RABGAP1: variants seen among roughly 807,000 people sequenced by gnomAD.
RABGAP1 encodes RAB GTPase activating protein 1.
Under a neutral mutation model 137.6 loss-of-function variants are expected in RABGAP1, and 23 were observed. The observed-to-expected ratio is 0.17, with a 90% CI of 0.12 to 0.24. RABGAP1 has a LOEUF of 0.24. Among genes scored for constraint, RABGAP1 ranks in the 10% least tolerant of loss-of-function variants. RABGAP1 has a pLI of 1.00. For synonymous variants in RABGAP1, 451 were observed against 450.7 expected, an observed-to-expected ratio of 1.00 and a Z score of -0.01; for missense variants, 906 against 1,275.8, an observed-to-expected ratio of 0.71 and a Z score of 4.42.
intron 13 of RABGAP1, among the ~76,000 whole-genome samples, chr9:123,030,766 G>T (rs1338002302): frequency 6.6e-6 from 1 of 152,094 alleles, no homozygotes; most frequent in East Asian, 1.9e-4. Flanking sequence ...GAGTGGTATG[G>T]AACACTAGAA....
At position 122,986,333 on chromosome 9, in the gene RABGAP1, A is replaced by G. The variant is rs1473205937; in HGVS notation, c.504A>G (p.Leu168=). 6.2e-7 allele frequency: 1 copy of G among 1,614,124 alleles called. No homozygotes were observed. Among genetic ancestry groups the G allele is most frequent in the South Asian group, 1.1e-5 (1 of 91,084 alleles). The change falls in exon 4 of 26, where the codon TTA becomes TTG. Residue 168 remains leucine, a synonymous_variant. Coordinates refer to ENST00000373647, the MANE Select transcript of RABGAP1 (RefSeq NM_012197.4). ...VNAPRSEVEA[L]RMMSILRSQC... ...CTCCCAGGAGTGAAGTGGAAGCCTTAAGGATGATGTCCATCTTAAGAAGCC... is the reference window on the plus strand; with the variant it reads ...CTCCCAGGAGTGAAGTGGAAGCCTTGAGGATGATGTCCATCTTAAGAAGCC...
chr9:122,963,931 A>G (rs564972988), intron 2 of RABGAP1, among the ~76,000 whole-genome samples: 1 of 152,348 alleles, frequency 6.6e-6, no homozygotes, highest in South Asian at 2.1e-4. Context: ...TACTGCTGAT[A>G]ATACGTAGAA....
intron 13 of RABGAP1, among the ~76,000 whole-genome samples, chr9:123,050,246 A>G (rs2033395675): frequency 6.6e-6 from 1 of 152,226 alleles, no homozygotes; most frequent in Non-Finnish European, 1.5e-5. Context: ...TACCTAAACA[A>G]TATGTCATGT....
intron 19 of RABGAP1, among the ~76,000 whole-genome samples, chr9:123,082,301 C>T (rs184952172): frequency 1.3e-5 from 2 of 152,170 alleles, no homozygotes; most frequent in African/African-American, 4.8e-5. Flanking sequence ...TGAACTTCTC[C>T]CGCTTTATGG....
chr9:123,010,455 T>G lies in RABGAP1; in HGVS notation c.1476T>G (p.Pro492=), dbSNP rs201077208. 1.1e-5 allele frequency: 17 copies of G among 1,613,944 alleles called. No individual in the cohort carries two copies. The Admixed American group carries it at 2.3e-4, about 22-fold the overall frequency. ...ERERRKTTAS[P]SVRLPQSGSQ... is the part of the protein sequence containing the mutation. ...AGAGGAGGAAAACTACAGCCAGTCCTTCAGTTCGCCTGCCACAGTCTGGAT... is the reference window on the plus strand; with the variant it reads ...AGAGGAGGAAAACTACAGCCAGTCCGTCAGTTCGCCTGCCACAGTCTGGAT... The change falls in exon 11 of 26, where the codon CCT becomes CCG. Residue 492 remains proline, a synonymous_variant. Coordinates refer to ENST00000373647, the MANE Select transcript of RABGAP1 (RefSeq NM_012197.4).
At chr9:123,002,760 A>AT (rs537874246) in intron 10 of RABGAP1, among the ~76,000 whole-genome samples, 3 of 151,556 alleles carry the variant, frequency 2.0e-5, no homozygotes, top group Non-Finnish European at 2.9e-5. Context: ...TAATAACTTA[A>AT]TTTTTTTTTA....
chr9:122,935,650 AT>A, the RABGAP1 span, among the ~76,000 whole-genome samples: 1 of 152,128 alleles, frequency 6.6e-6, no homozygotes, highest in Non-Finnish European at 1.5e-5. Flanking sequence ...CAACATAAAT[AT>A]TTTTTATGCA....
rs1318472782 is a variant in RABGAP1, at chr9:122,989,408, T to A, written c.702T>A (p.Thr234=). 1 of 1,614,098 alleles carries A rather than the reference T, an allele frequency of 6.2e-7. No homozygotes were observed. ...CTGAGAGTGACTGTTTTGCTTTCAC[T>A]GAAAGTCATTACAATGCAGAGCTCT... ...GTPESDCFAF[T]ESHYNAELFR... is the part of the protein sequence containing the mutation. Residue 234 remains threonine (T), a synonymous_variant, in exon 5 of 26, where the codon ACT becomes ACA. Coordinates refer to ENST00000373647, the MANE Select transcript of RABGAP1 (RefSeq NM_012197.4).
intron 4 of RABGAP1, among the ~76,000 whole-genome samples, chr9:122,989,079 C>T (rs534222622): frequency 2.8e-4 from 42 of 148,646 alleles, no homozygotes; most frequent in Middle Eastern, 3.4e-3. Flanking sequence ...GTTTGCCTCC[C>T]TAAAACATGA....
chr9:122,957,367 G>A (rs1049120289), intron 2 of RABGAP1, among the ~76,000 whole-genome samples, 158 bp downstream of exon 2: 17 of 152,136 alleles, frequency 1.1e-4, no homozygotes, highest in Non-Finnish European at 2.5e-4. Context: ...TGAGAAGTTT[G>A]TATTTGATTA....
chr9:122,991,688 A>T (rs1836731925), intron 6 of RABGAP1, among the ~76,000 whole-genome samples: 1 of 149,800 alleles, frequency 6.7e-6, no homozygotes, highest in South Asian at 2.1e-4. Context: ...CTGCAGCCTC[A>T]GCCTTCTGGT....
At chr9:123,067,545 T>C (rs368313557) in intron 14 of RABGAP1, among the ~76,000 whole-genome samples, 24 of 152,340 alleles carry the variant, frequency 1.6e-4, no homozygotes, top group African/African-American at 5.5e-4. Context: ...ACTTAGCCCT[T>C]ATTGCTGCTT....
chr9:123,087,820 TGA>T (rs771169168), intron 19 of RABGAP1, among the ~76,000 whole-genome samples: 3 of 152,184 alleles, frequency 2.0e-5, no homozygotes, highest in Non-Finnish European at 4.4e-5. Context: ...ACTCTCCCAC[TGA>T]GAGCGTCTGG....
chr9:122,984,535 A>G lies in RABGAP1; in HGVS notation c.201A>G (p.Val67=). 6.2e-7 allele frequency: 1 copy of G among 1,614,200 alleles called. No homozygotes were observed. The highest frequency in any genetic ancestry group is 8.5e-7 in the Non-Finnish European group (1 of 1,180,028). The change falls in exon 3 of 26, where the codon GTA becomes GTG. Residue 67 remains valine, a synonymous_variant. Transcript: ENST00000373647. The part of the protein sequence containing the change: ...EQQLQKELAD[V]LMDPPMDDQP... Reference sequence around the variant, plus strand: ...AGCTGCAAAAAGAGCTAGCAGATGTACTGATGGATCCTCCAATGGACGACC... The same window carrying G: ...AGCTGCAAAAAGAGCTAGCAGATGTGCTGATGGATCCTCCAATGGACGACC...
intron 13 of RABGAP1, among the ~76,000 whole-genome samples, chr9:123,054,524 A>T (rs1454447049): frequency 6.6e-6 from 1 of 152,210 alleles, no homozygotes; most frequent in Non-Finnish European, 1.5e-5. Flanking sequence ...TATTAACTCT[A>T]TTATTATTAC....
chr9:122,984,586 A>G lies in RABGAP1; in HGVS notation c.252A>G (p.Lys84=). The G allele has an allele frequency of 6.2e-7, 1 of 1,614,190 alleles. No homozygotes were observed. The highest frequency in any genetic ancestry group is 8.5e-7 in the Non-Finnish European group (1 of 1,180,032). Residue 84 remains lysine (K), a synonymous_variant, in exon 3 of 26, where the codon AAA becomes AAG. Coordinates refer to ENST00000373647, the MANE Select transcript of RABGAP1 (RefSeq NM_012197.4). ...AGCCAGGGGAAAAGGAGCTTGTGAA[A>G]AGGTCACAACTGGATGGTGAAGGAG... is the stretch of plus-strand genomic sequence containing the variant. ...DDQPGEKELV[K]RSQLDGEGDG...
rs1194957112 is a variant in RABGAP1, at chr9:123,028,575, GTGTAC to G, written c.1794+8118_1794+8122del. Among the ~76,000 whole-genome samples, 3 of 152,314 alleles carry G rather than the reference GTGTAC, an allele frequency of 2.0e-5. No homozygotes were observed. In the East Asian group the frequency reaches 5.8e-4, roughly 29 times the overall value. On this transcript the variant is annotated intron_variant, in intron 13 of 25. Transcript: ENST00000373647. ...GGTCTTAAAAGTCAGAGAGAACAGC[GTGTAC>G]TCAAGGCAGTTCCATAGAGTGTGAA...
chr9:123,019,506 G>C lies in RABGAP1; in HGVS notation c.1644-803G>C, dbSNP rs187217306. On this transcript the variant is annotated intron_variant, in intron 12 of 25. Coordinates refer to ENST00000373647, the MANE Select transcript of RABGAP1 (RefSeq NM_012197.4). ...ATTTTTATTTTTCTGTAGACACGGG[G>C]TTCTTGCTATATTACCTAGGCTGGT... Among the ~76,000 whole-genome samples the C allele has an allele frequency of 5.3e-5, 8 of 152,074 alleles. No individual in the cohort carries two copies. In the East Asian group the frequency reaches 1.5e-3, roughly 29 times the overall value.
chr9:123,098,888 A>C, intron 23 of RABGAP1, 90 bp downstream of exon 23: 2 of 618,818 alleles, frequency 3.2e-6, no homozygotes, highest in Non-Finnish European at 2.7e-6. Context: ...CCCAAACCCA[A>C]ATGCAAGCAC....
Sources: allele counts gnomAD v4.1 joint callset (sites outside exome capture counted in the v4.1 genomes callset), GRCh38; gene constraint gnomAD v4.1.1; transcripts MANE v1.5; gene names NCBI Gene and HGNC (gene_info 2026-07-23, HGNC 2026-07-21).